Variants in RGS6 observed in about 807,000 individuals in gnomAD.
RGS6 encodes regulator of G protein signaling 6, also known as regulator of G-protein signaling 6.
Under a neutral mutation model 78.5 loss-of-function variants are expected in RGS6, and 30 were observed. The observed-to-expected ratio is 0.38, with a 90% CI of 0.29 to 0.52. The LOEUF is 0.52. RGS6 is among the 20% of genes least tolerant of loss of function. RGS6 has a pLI of 0.85. For synonymous variants in RGS6, 206 were observed against 206.0 expected, an observed-to-expected ratio of 1.00 and a Z score of 0.00; for missense variants, 495 against 609.7, an observed-to-expected ratio of 0.81 and a Z score of 1.98.
At chr14:72,609,832 C>T in the RGS6 span, among the ~76,000 whole-genome samples, 1 of 152,138 alleles carries the variant, frequency 6.6e-6, no homozygotes, top group Non-Finnish European at 1.5e-5. Flanking sequence ...AATCTGTAGC[C>T]CTTTTCTGTA....
At chr14:72,431,938 T>G (rs1037469664) in intron 3 of RGS6, among the ~76,000 whole-genome samples, 35 of 152,034 alleles carry the variant, frequency 2.3e-4, no homozygotes, top group African/African-American at 8.4e-4. Context: ...AATCTGGGGG[T>G]GAAGAGGGGA....
intron 17 of RGS6, among the ~76,000 whole-genome samples, chr14:72,550,212 A>T (rs1452854631): frequency 6.6e-6 from 1 of 152,178 alleles, no homozygotes; most frequent in Admixed American, 6.5e-5. Flanking sequence ...TTTTAATAAG[A>T]CACTTTTTAC....
intron 2 of RGS6, among the ~76,000 whole-genome samples, chr14:72,050,115 A>T (rs1035612264): frequency 6.6e-6 from 1 of 152,170 alleles, no homozygotes; most frequent in Non-Finnish European, 1.5e-5. Context: ...TTGCAAATGA[A>T]GTCCCAATTT....
chr14:71,990,613 C>T (rs1478795088), intron 2 of RGS6: 1 of 456,046 alleles, frequency 2.2e-6, no homozygotes, highest in East Asian at 6.9e-5. Flanking sequence ...CCAATCTCTG[C>T]ATATTCCTTC....
intron 3 of RGS6, among the ~76,000 whole-genome samples, chr14:72,358,642 G>A (rs1199116524): frequency 6.6e-6 from 1 of 152,228 alleles, no homozygotes; most frequent in African/African-American, 2.4e-5. Flanking sequence ...TATTTACCCA[G>A]TGCCTGTACC....
chr14:71,975,932 A>T (rs549171826), intron 2 of RGS6, among the ~76,000 whole-genome samples: 2 of 152,194 alleles, frequency 1.3e-5, no homozygotes, highest in South Asian at 4.2e-4. Context: ...TTCAACATGG[A>T]TATTTTCTAC....
At chr14:72,381,348 C>G (rs2086050178) in intron 3 of RGS6, among the ~76,000 whole-genome samples, 1 of 152,008 alleles carries the variant, frequency 6.6e-6, no homozygotes, top group Admixed American at 6.6e-5. Context: ...ATAGACTATG[C>G]TAATTACTCC....
chr14:71,960,985 T>A (rs549680567), intron 1 of RGS6, among the ~76,000 whole-genome samples: 1 of 152,352 alleles, frequency 6.6e-6, no homozygotes, highest in African/African-American at 2.4e-5. Flanking sequence ...GTCTGACTTA[T>A]CTGTATATCC....
At position 71,938,097 on chromosome 14, in the gene RGS6, C is replaced by T. The variant is rs554280763; in HGVS notation, c.-21+5156C>T. ...AAGAGGCTGAGTGGTGTCCACAGAACAGGTCATCCTATTCACCTGATTATT... is the reference window on the plus strand; with the variant it reads ...AAGAGGCTGAGTGGTGTCCACAGAATAGGTCATCCTATTCACCTGATTATT... On this transcript the variant is annotated intron_variant, in intron 1 of 17. Transcript: ENST00000553525. Among the ~76,000 whole-genome samples, 4 of 152,300 alleles carry T rather than the reference C, an allele frequency of 2.6e-5. No homozygotes were observed. In the East Asian group the frequency reaches 5.8e-4, roughly 22 times the overall value.
At chr14:72,185,774 T>C (rs1025227681) in intron 2 of RGS6, among the ~76,000 whole-genome samples, 4 of 152,130 alleles carry the variant, frequency 2.6e-5, no homozygotes, top group African/African-American at 9.7e-5. Flanking sequence ...GGAGACCCCA[T>C]CTCTACAAAA....
chr14:71,935,871 GTC>G lies in RGS6; in HGVS notation c.-21+2934_-21+2935del, dbSNP rs372651163. Among the ~76,000 whole-genome samples the G allele has an allele frequency of 4.2e-3, 645 of 151,820 alleles. 6 individuals are homozygous for G. The highest frequency in any genetic ancestry group is 0.015 in the African/African-American group (621 of 41,406). ...GAAACACCTGGGGGTCATCCTGGGAGTCTCTGATTGATTCTGTCTGAGATGGG... is the reference window on the plus strand; with the variant it reads ...GAAACACCTGGGGGTCATCCTGGGAGTCTGATTGATTCTGTCTGAGATGGG... On this transcript the variant is annotated intron_variant, in intron 1 of 17. Coordinates refer to ENST00000553525, the MANE Select transcript of RGS6 (RefSeq NM_001204424.2).
At chr14:72,566,629 T>TCTCACA (rs1349119393), downstream of RGS6, 68 of 105,894 alleles carry the variant, frequency 6.4e-4, no homozygotes, top group African/African-American at 2.3e-3. Flanking sequence ...TTCCCCATTA[T>TCTCACA]CACACACACA....
chr14:72,351,153 A>G (rs904199248), intron 2 of RGS6, among the ~76,000 whole-genome samples: 2 of 152,174 alleles, frequency 1.3e-5, no homozygotes, highest in African/African-American at 2.4e-5. Context: ...GGTGTTTCAA[A>G]GATATTTCTA....
chr14:71,936,032 A>ATATATATATAT (rs1428492267), intron 1 of RGS6, among the ~76,000 whole-genome samples: 1 of 142,022 alleles, frequency 7.0e-6, no homozygotes, highest in Non-Finnish European at 1.5e-5. Context: ...ATATATATAT[A>ATATATATATAT]TATATATATG....
chr14:71,949,153 T>G (rs1292284649), intron 1 of RGS6, among the ~76,000 whole-genome samples: 2 of 152,236 alleles, frequency 1.3e-5, no homozygotes, highest in Non-Finnish European at 2.9e-5. Context: ...GTGACACACA[T>G]ATGAATGTGT....
At chr14:72,044,450 G>A (rs1248061526) in intron 2 of RGS6, among the ~76,000 whole-genome samples, 1 of 152,146 alleles carries the variant, frequency 6.6e-6, no homozygotes, top group East Asian at 1.9e-4. Flanking sequence ...AGGGAGAGGA[G>A]AAATGAATTC....
the RGS6 span, among the ~76,000 whole-genome samples, chr14:72,611,514 AC>A: frequency 1.3e-5 from 2 of 148,152 alleles, no homozygotes; most frequent in Admixed American, 1.3e-4. Context: ...TGAAGCCCCC[AC>A]CCCCCCAGTC....
the RGS6 span, among the ~76,000 whole-genome samples, chr14:71,870,550 G>A: frequency 6.6e-6 from 1 of 152,204 alleles, no homozygotes; most frequent in African/African-American, 2.4e-5. Flanking sequence ...TGCCTGCTCT[G>A]TAAGTGAGGA....
At chr14:72,543,348 C>T (rs1464519370) in intron 17 of RGS6, among the ~76,000 whole-genome samples, 2 of 152,150 alleles carry the variant, frequency 1.3e-5, no homozygotes, top group South Asian at 2.1e-4. Flanking sequence ...CACCCTTGTC[C>T]GAGGAGCCTG....
Sources: allele counts gnomAD v4.1 joint callset (sites outside exome capture counted in the v4.1 genomes callset), GRCh38; gene constraint gnomAD v4.1.1; transcripts MANE v1.5; gene names NCBI Gene and HGNC (gene_info 2026-07-23, HGNC 2026-07-21).